COL21A1: variants seen among roughly 807,000 people sequenced by gnomAD.
COL21A1 encodes the protein collagen alpha-1(XXI) chain.
A neutral mutation model predicts 137.9 loss-of-function variants in COL21A1; 149 were observed. The observed-to-expected ratio is 1.08, with a 90% confidence interval of 0.95 to 1.24. COL21A1 has a LOEUF of 1.24. Among genes scored for constraint, COL21A1 ranks in the 50% most tolerant of loss-of-function variants. COL21A1 has a pLI of 0.00. For synonymous variants in COL21A1, 456 were observed against 391.5 expected (o/e 1.16, Z -1.95); for missense variants, 1,167 against 1,158.4 (o/e 1.01, Z -0.11).
intron 1 of COL21A1, among the ~76,000 whole-genome samples, chr6:56,211,139 T>C (rs1316560027): frequency 6.2e-5 from 9 of 144,412 alleles, no homozygotes; most frequent in Admixed American, 5.6e-4. Context: ...AAGAGCAAAT[T>C]CTATATTTGT....
intron 1 of COL21A1, among the ~76,000 whole-genome samples, chr6:56,269,394 G>A (rs1372657144): frequency 6.6e-5 from 10 of 152,040 alleles, no homozygotes; most frequent in East Asian, 1.9e-4. Context: ...GGTGGCTCAC[G>A]CCTGTAATCC....
At chr6:56,106,580 G>A (rs1770912781) in intron 16 of COL21A1, among the ~76,000 whole-genome samples, 1 of 152,130 alleles carries the variant, frequency 6.6e-6, no homozygotes, top group African/African-American at 2.4e-5. Flanking sequence ...AAGAAGACCA[G>A]CAAGCTATCC....
At chr6:56,268,333 G>A (rs1484287645) in intron 1 of COL21A1, among the ~76,000 whole-genome samples, 1 of 152,162 alleles carries the variant, frequency 6.6e-6, no homozygotes, top group Non-Finnish European at 1.5e-5. Context: ...CGGTTCCAGG[G>A]ATCAGAATGA....
rs752599674 is a variant in COL21A1, at chr6:56,170,729, C to T, written c.946G>A (p.Val316Met). The T allele has an allele frequency of 1.2e-6, 2 of 1,607,696 alleles. No homozygotes were observed. Among genetic ancestry groups the T allele is most frequent in the Admixed American group, 1.7e-5 (1 of 59,136 alleles). ...RPQIAVTLNG[V>M]DKILLFTTTS... Reference sequence around the variant, plus strand: ...GTTGTAAATAATAAGATTTTGTCCACACCATTTAAGGTAACTGCTATTTGT... The same window carrying T: ...GTTGTAAATAATAAGATTTTGTCCATACCATTTAAGGTAACTGCTATTTGT... Residue 316 changes from valine to methionine, a missense_variant, in exon 5 of 30, where the codon GTG (valine) becomes ATG (methionine). Coordinates refer to ENST00000244728, the MANE Select transcript of COL21A1 (RefSeq NM_030820.4).
intron 12 of COL21A1, among the ~76,000 whole-genome samples, chr6:56,140,703 G>A (rs190783772): frequency 6.6e-6 from 1 of 152,292 alleles, no homozygotes; most frequent in African/African-American, 2.4e-5. Flanking sequence ...GAAGCCACAT[G>A]GAATGTGAAG....
chr6:56,160,096 C>CA (rs1776082037), intron 9 of COL21A1, among the ~76,000 whole-genome samples: 1 of 152,036 alleles, frequency 6.6e-6, no homozygotes. Flanking sequence ...AAGTTATTCG[C>CA]AAAAACTCAG....
chr6:56,262,428 A>G (rs2152330961), intron 1 of COL21A1, among the ~76,000 whole-genome samples: 1 of 152,240 alleles, frequency 6.6e-6, no homozygotes. Context: ...GTATCTTAGT[A>G]TGAGCTCCCT....
intron 1 of COL21A1, among the ~76,000 whole-genome samples, chr6:56,274,841 T>C (rs1763605410): frequency 6.6e-6 from 1 of 151,980 alleles, no homozygotes; most frequent in African/African-American, 2.4e-5. Context: ...ATGTCATTTT[T>C]CACAGAATTA....
At chr6:56,382,745 C>A (rs1313139757) in intron 1 of COL21A1, among the ~76,000 whole-genome samples, 3 of 152,142 alleles carry the variant, frequency 2.0e-5, no homozygotes, top group Non-Finnish European at 4.4e-5. Flanking sequence ...CAGAAACAAA[C>A]CATGATGGCA....
At position 56,337,941 on chromosome 6, in the gene COL21A1, TTTTTC is replaced by T. The variant is rs200996968; in HGVS notation, c.-39+56025_-39+56029del. ...CTCAAAGTGAGGAAGAAAAGGGGTT[TTTTTC>T]TTTTCTTTTCTTTTCTTTTTTTTTT... On this transcript the variant is annotated intron_variant, in intron 1 of 28. Transcript: ENST00000370819. Among the ~76,000 whole-genome samples, 1,148 of 142,402 alleles carry T rather than the reference TTTTTC, an allele frequency of 8.1e-3. 64 individuals carry two copies. The highest frequency in any genetic ancestry group is 0.011 in the Middle Eastern group (3 of 262). The allele number at this position is 142,402 out of a possible 152,430, so 93.4% of individuals were successfully genotyped here. A position where few individuals can be genotyped will look rare whatever the true frequency, so the allele number is the denominator to read the frequency against.
chr6:56,349,623 A>G (rs1172788465), intron 1 of COL21A1, among the ~76,000 whole-genome samples: 1 of 152,246 alleles, frequency 6.6e-6, no homozygotes, highest in African/African-American at 2.4e-5. Flanking sequence ...ATTCTTAGAA[A>G]TGTAAGAAGA....
chr6:56,082,996 A>ATAGG (rs70986763), intron 17 of COL21A1, among the ~76,000 whole-genome samples: 2 of 151,310 alleles, frequency 1.3e-5, no homozygotes, highest in African/African-American at 4.9e-5. Context: ...GAAACAATTG[A>ATAGG]CAAGCATTGA....
intron 1 of COL21A1, among the ~76,000 whole-genome samples, chr6:56,308,732 T>C (rs1218452003): frequency 2.5e-5 from 1 of 39,942 alleles, no homozygotes; most frequent in African/African-American, 3.7e-5. Context: ...TAAATGTTCT[T>C]ACTACAAAAA....
At chr6:56,060,391 T>C (rs1282491204) in intron 27 of COL21A1, 173 bp from the exon 28 acceptor site, 2 of 602,872 alleles carry the variant, frequency 3.3e-6, no homozygotes, top group Non-Finnish European at 2.8e-6. Flanking sequence ...TTCATTGCTC[T>C]GTGCGGTAAT....
At chr6:56,344,096 A>G (rs985394710) in intron 1 of COL21A1, among the ~76,000 whole-genome samples, 6 of 152,228 alleles carry the variant, frequency 3.9e-5, no homozygotes, top group African/African-American at 7.2e-5. Flanking sequence ...TTTTGTGGCT[A>G]ATGTTACTCA....
At chr6:56,239,275 T>C (rs1782109495) in intron 1 of COL21A1, among the ~76,000 whole-genome samples, 1 of 152,176 alleles carries the variant, frequency 6.6e-6, no homozygotes, top group South Asian at 2.1e-4. Context: ...CATCAATTAA[T>C]CACATTCTAA....
rs547697024 is a variant in COL21A1, at chr6:56,304,990, A to G, written c.-39+88981T>C. Among the ~76,000 whole-genome samples, 765 of 152,284 alleles carry G rather than the reference A, an allele frequency of 5.0e-3. 4 individuals are homozygous for G. The highest frequency in any genetic ancestry group is 8.5e-3 in the Non-Finnish European group (576 of 68,026). Reference sequence around the variant, plus strand: ...TATTTCTGCCTTCATTTCGTTATGTACCCAGTAGTCATTCAGGAGCAGGTT... The same window carrying G: ...TATTTCTGCCTTCATTTCGTTATGTGCCCAGTAGTCATTCAGGAGCAGGTT... On this transcript the variant is annotated intron_variant, in intron 1 of 28. Transcript: ENST00000370819.
chr6:56,078,233 A>G, intron 17 of COL21A1: 1 of 455,628 alleles, frequency 2.2e-6, no homozygotes, highest in Non-Finnish European at 4.4e-6. Context: ...CTATCAAGTT[A>G]AGAATAAATT....
At chr6:56,120,798 T>TA (rs1402055705) in intron 16 of COL21A1, among the ~76,000 whole-genome samples, 8 of 78,846 alleles carry the variant, frequency 1.0e-4, no homozygotes, top group East Asian at 6.8e-4. Context: ...CTGTCTCAAT[T>TA]TAAAAAAAAA....
Sources: allele counts gnomAD v4.1 joint callset (sites outside exome capture counted in the v4.1 genomes callset), GRCh38; gene constraint gnomAD v4.1.1; transcripts MANE v1.5; gene names NCBI Gene and HGNC (gene_info 2026-07-23, HGNC 2026-07-21).